The following CSGALNACT1 variants were observed in gnomAD, a reference collection of about 807,000 sequenced individuals.
The protein encoded by CSGALNACT1 is beta4GalNAcT-1.
In CSGALNACT1, 52 loss-of-function variants were observed where a neutral mutation model predicts 51.0. The ratio of observed to expected loss-of-function variants is 1.02; its 90% CI spans 0.82 to 1.29. The LOEUF (loss-of-function observed/expected upper bound fraction) is 1.29. Among genes scored for constraint, CSGALNACT1 ranks in the 50% most tolerant of loss-of-function variants. CSGALNACT1 has a pLI of 0.00. For missense variants in CSGALNACT1, 935 were observed against 679.2 expected (o/e 1.38, Z -4.19); for synonymous variants, 341 against 254.4 (o/e 1.34, Z -3.24).
chr8:19,722,855 A>G (rs1242166887), intron 1 of CSGALNACT1, among the ~76,000 whole-genome samples: 1 of 152,258 alleles, frequency 6.6e-6, no homozygotes, highest in South Asian at 2.1e-4. Flanking sequence ...TGCAACAGGT[A>G]AAGCCCAGCA....
intron 1 of CSGALNACT1, among the ~76,000 whole-genome samples, chr8:19,632,734 A>C (rs2055451300): frequency 6.6e-6 from 1 of 152,096 alleles, no homozygotes; most frequent in Non-Finnish European, 1.5e-5. Context: ...CTTTCAACCT[A>C]AGCAGAGTGA....
At chr8:19,433,230 T>A (rs1196064137) in intron 6 of CSGALNACT1, among the ~76,000 whole-genome samples, 1 of 152,180 alleles carries the variant, frequency 6.6e-6, no homozygotes, top group Non-Finnish European at 1.5e-5. Context: ...GCTGAGGGAT[T>A]CTGTTTGCAT....
intron 2 of CSGALNACT1, among the ~76,000 whole-genome samples, chr8:19,598,645 C>G (rs2049502444): frequency 6.6e-6 from 1 of 152,156 alleles, no homozygotes; most frequent in Non-Finnish European, 1.5e-5. Flanking sequence ...TGCAAAGGGC[C>G]TATAAGCTTA....
intron 4 of CSGALNACT1, among the ~76,000 whole-genome samples, chr8:19,473,464 A>G (rs1158448489): frequency 1.3e-5 from 2 of 152,208 alleles, no homozygotes; most frequent in Non-Finnish European, 2.9e-5. Flanking sequence ...CCAGACACAC[A>G]GAGTCTCCTG....
rs191183057 is a variant in CSGALNACT1 at position 19,529,189 on chromosome 8, T to C, written c.-296-23059A>G. On this transcript the variant is annotated intron_variant, in intron 3 of 9. Transcript: ENST00000454498. ...TAACTTAAAAGCTTTTTTGGTGAGTTGTTGAGTGCGAAAGAAGAGTGAATT... is the reference window on the plus strand; with the variant it reads ...TAACTTAAAAGCTTTTTTGGTGAGTCGTTGAGTGCGAAAGAAGAGTGAATT... Among the ~76,000 whole-genome samples, 667 of 152,128 alleles carry C rather than the reference T, an allele frequency of 4.4e-3. 7 individuals are homozygous for C. The highest frequency in any genetic ancestry group is 0.015 in the African/African-American group (621 of 41,498).
intron 8 of CSGALNACT1, among the ~76,000 whole-genome samples, chr8:19,412,185 T>C (rs1175000479): frequency 1.3e-5 from 2 of 151,952 alleles, no homozygotes; most frequent in Non-Finnish European, 2.9e-5. Context: ...CTCTCAACTC[T>C]CTCTGCAGCA....
At chr8:19,459,396 A>AG (rs2064878487) in intron 4 of CSGALNACT1, among the ~76,000 whole-genome samples, 1 of 151,194 alleles carries the variant, frequency 6.6e-6, no homozygotes, top group Non-Finnish European at 1.5e-5. Context: ...AAAAAAAAAA[A>AG]AAAAAAAAAA....
intron 5 of CSGALNACT1, among the ~76,000 whole-genome samples, chr8:19,447,469 T>G (rs2062340697): frequency 6.6e-6 from 1 of 152,190 alleles, no homozygotes; most frequent in African/African-American, 2.4e-5. Context: ...GAGGAGGGGT[T>G]GTACCCTTAG....
rs112469144 is a variant in CSGALNACT1, at chr8:19,493,093, C to T, written c.634+12108G>A. ...AAAACATCTGTAAATATGTTTGCAA[C>T]AGATTCTTTATTAAACACTTTTGTG... On this transcript the variant is annotated intron_variant, in intron 4 of 9. Coordinates refer to ENST00000454498, the Ensembl canonical transcript of CSGALNACT1. 6.3e-3 allele frequency among the ~76,000 whole-genome samples: 952 copies of T among 150,414 alleles called. 9 individuals carry two copies. The highest frequency in any genetic ancestry group is 0.021 in the African/African-American group (878 of 40,986).
At chr8:19,457,764 C>A (rs1258547359) in intron 5 of CSGALNACT1, 1 of 1,351,118 alleles carries the variant, frequency 7.4e-7, no homozygotes, top group Non-Finnish European at 9.8e-7. Flanking sequence ...TAAGATCCAA[C>A]ACCGCACAAT....
At chr8:19,631,354 G>A (rs1437784758) in intron 1 of CSGALNACT1, among the ~76,000 whole-genome samples, 1 of 152,090 alleles carries the variant, frequency 6.6e-6, no homozygotes, top group Non-Finnish European at 1.5e-5. Context: ...CCACATCCTT[G>A]CTGGTGCTGT....
intron 5 of CSGALNACT1, 49 bp downstream of exon 4, chr8:19,458,377 T>C (rs2064587609): frequency 7.1e-7 from 1 of 1,415,002 alleles, no homozygotes; most frequent in South Asian, 1.1e-5. Flanking sequence ...ATATCAGTGT[T>C]CTAACACACA....
upstream of CSGALNACT1, chr8:19,682,863 C>T: frequency 2.6e-6 from 1 of 384,958 alleles, no homozygotes; most frequent in South Asian, 1.9e-5. Context: ...AGTCAGCAGC[C>T]CTCACAGGTC....
intron 3 of CSGALNACT1, among the ~76,000 whole-genome samples, chr8:19,519,903 A>G (rs972031506): frequency 1.3e-5 from 2 of 152,148 alleles, no homozygotes; most frequent in Non-Finnish European, 2.9e-5. Flanking sequence ...TGGCCTCCTC[A>G]TTCCCCACCA....
intron 6 of CSGALNACT1, among the ~76,000 whole-genome samples, chr8:19,439,107 G>A (rs1019556446): frequency 6.6e-6 from 1 of 152,210 alleles, no homozygotes; most frequent in Non-Finnish European, 1.5e-5. Context: ...CCAGCGTGCA[G>A]CGCCATTCTG....
At chr8:19,408,447 A>G (rs1053196182) in intron 9 of CSGALNACT1, among the ~76,000 whole-genome samples, 166 bp downstream of exon 8, 1 of 129,014 alleles carries the variant, frequency 7.8e-6, no homozygotes, top group Non-Finnish European at 1.6e-5. Context: ...GGTGTGAGCC[A>G]CCGCACCTAG....
chr8:19,640,502 C>G (rs1488100921), intron 1 of CSGALNACT1, among the ~76,000 whole-genome samples: 2 of 152,178 alleles, frequency 1.3e-5, no homozygotes, highest in African/African-American at 4.8e-5. Context: ...GCCATATTTT[C>G]ATTTACTTAG....
chr8:19,507,564 G>T (rs1357806950), intron 3 of CSGALNACT1, among the ~76,000 whole-genome samples: 2 of 137,780 alleles, frequency 1.5e-5, no homozygotes, highest in Non-Finnish European at 3.1e-5. Flanking sequence ...AATGATTAAT[G>T]GAAAATAGAC....
intron 1 of CSGALNACT1, among the ~76,000 whole-genome samples, chr8:19,676,074 T>C (rs1433934743): frequency 7.8e-6 from 1 of 128,548 alleles, no homozygotes; most frequent in Non-Finnish European, 1.6e-5. Context: ...TGGATGGTGG[T>C]TGTCTGATTT....
Sources: gnomAD v4.1 joint callset for allele counts (sites outside exome capture counted in the v4.1 genomes callset) on GRCh38, gnomAD v4.1.1 for gene constraint, MANE v1.5 for transcripts, NCBI Gene and HGNC (gene_info 2026-07-23, HGNC 2026-07-21) for gene names.